NUDT3: variants seen among roughly 807,000 people sequenced by gnomAD.
NUDT3 encodes diphosphoinositol polyphosphate phosphohydrolase 1.
A neutral mutation model predicts 23.6 loss-of-function variants in NUDT3; 9 were observed. That is an observed-to-expected ratio of 0.38 (90% CI 0.23 to 0.66). NUDT3 has a LOEUF of 0.66. Among genes scored for constraint, NUDT3 ranks in the 30% least tolerant of loss-of-function variants. NUDT3 has a pLI of 0.52. For synonymous variants in NUDT3, 86 were observed against 82.6 expected (o/e 1.04, Z -0.22); for missense variants, 172 against 218.5 (o/e 0.79, Z 1.34).
chr6:34,305,588 G>A (rs921365048), intron 2 of NUDT3, among the ~76,000 whole-genome samples: 4 of 151,578 alleles, frequency 2.6e-5, no homozygotes, highest in Non-Finnish European at 5.9e-5. Flanking sequence ...ACTTCCTTTG[G>A]GCTTGCTCTT....
At chr6:34,354,654 C>T (rs1214800066) in intron 1 of NUDT3, among the ~76,000 whole-genome samples, 1 of 148,734 alleles carries the variant, frequency 6.7e-6, no homozygotes, top group Non-Finnish European at 1.5e-5. Flanking sequence ...ACCCGGGAGG[C>T]GGAGGTTGCA....
intron 2 of NUDT3, among the ~76,000 whole-genome samples, chr6:34,317,880 C>G (rs763751445): frequency 1.3e-4 from 20 of 152,128 alleles, no homozygotes; most frequent in Non-Finnish European, 2.9e-4. Flanking sequence ...AAGATTAACC[C>G]AGTCCTCTGG....
At position 34,340,874 on chromosome 6, in the gene NUDT3, G is replaced by A. The variant is rs557243408; in HGVS notation, c.210+988C>T. On this transcript the variant is annotated intron_variant, in intron 2 of 4. Transcript: ENST00000607016. ...AGATGCTACAATGAGAGTGACATAA[G>A]CCAATGTAAGTGTAGGAATTCAGAG... Among the ~76,000 whole-genome samples the A allele has an allele frequency of 5.3e-5, 8 of 152,310 alleles. No homozygotes were observed. The South Asian group carries it at 8.3e-4, about 16-fold the overall frequency.
At chr6:34,338,420 T>C (rs2113732336) in intron 2 of NUDT3, among the ~76,000 whole-genome samples, 1 of 152,356 alleles carries the variant, frequency 6.6e-6, no homozygotes, top group Middle Eastern at 3.4e-3. Context: ...GTACAAACTG[T>C]TCCCTCAAAG....
intron 2 of NUDT3, among the ~76,000 whole-genome samples, chr6:34,328,744 G>C (rs1367471311): frequency 6.6e-6 from 1 of 152,122 alleles, no homozygotes; most frequent in East Asian, 1.9e-4. Context: ...GGAGACCCCT[G>C]ACCATATTAA....
At chr6:34,340,219 A>T (rs1223687655) in intron 2 of NUDT3, among the ~76,000 whole-genome samples, 1 of 152,222 alleles carries the variant, frequency 6.6e-6, no homozygotes, top group Admixed American at 6.5e-5. Context: ...GAAGGGAAGC[A>T]CTTGGGCTCT....
chr6:34,376,529 C>T (rs1292842090), intron 1 of NUDT3, among the ~76,000 whole-genome samples: 2 of 152,066 alleles, frequency 1.3e-5, no homozygotes, highest in African/African-American at 2.4e-5. Context: ...CTCCTGCTTC[C>T]GCCTCCCAAA....
rs116676434 is a variant in NUDT3 at position 34,342,371 on chromosome 6, G to A, written c.100-399C>T. On this transcript the variant is annotated intron_variant, in intron 1 of 4. Transcript: ENST00000607016. The stretch of plus-strand genomic sequence containing the variant: ...GAAAAAGCTGGCCAGAAGACAAAAG[G>A]CCCTTGGCCATGATTGCCATCATGG... Among the ~76,000 whole-genome samples, 401 of 150,594 alleles carry A rather than the reference G, an allele frequency of 2.7e-3. 2 individuals carry two copies. The highest frequency in any genetic ancestry group is 8.9e-3 in the African/African-American group (364 of 40,990).
chr6:34,297,701 A>C (rs12523738), intron 2 of NUDT3, among the ~76,000 whole-genome samples: 1 of 136,096 alleles, frequency 7.3e-6, no homozygotes, highest in Admixed American at 7.6e-5. Flanking sequence ...GGTGCACATC[A>C]CTACACCCGG....
At chr6:34,372,436 C>G (rs1764846632) in intron 1 of NUDT3, among the ~76,000 whole-genome samples, 1 of 152,108 alleles carries the variant, frequency 6.6e-6, no homozygotes, top group South Asian at 2.1e-4. Flanking sequence ...GATTGCTATT[C>G]TAACTGGTGT....
At chr6:34,334,306 T>C (rs966986944) in intron 2 of NUDT3, among the ~76,000 whole-genome samples, 1 of 152,172 alleles carries the variant, frequency 6.6e-6, no homozygotes, top group Non-Finnish European at 1.5e-5. Context: ...TATTAAGCAC[T>C]TGAGATATGT....
chr6:34,317,564 C>G (rs114940475), intron 2 of NUDT3, among the ~76,000 whole-genome samples: 149 of 152,246 alleles, frequency 9.8e-4, no homozygotes, highest in African/African-American at 3.1e-3. Flanking sequence ...CTCCCACCCC[C>G]CCAACAGTAT....
chr6:34,366,473 AAGGGAGGGAGGGAGGGAGGGAGGGAGGG>A (rs529092584), intron 1 of NUDT3, among the ~76,000 whole-genome samples: 3 of 29,812 alleles, frequency 1.0e-4, no homozygotes, highest in African/African-American at 1.5e-4. Context: ...AGAGAGAGGG[AAGGGAGGGAGGGAGGGAGGGAGGGAGGG>A]AGGGAGGGAG....
At chr6:34,389,276 A>C (rs546984774) in intron 1 of NUDT3, among the ~76,000 whole-genome samples, 4 of 152,196 alleles carry the variant, frequency 2.6e-5, no homozygotes, top group Non-Finnish European at 1.5e-5. Context: ...CAATGGTTTT[A>C]CAAGTGTTTG....
intron 1 of NUDT3, among the ~76,000 whole-genome samples, chr6:34,345,606 T>C (rs1027013593): frequency 3.6e-5 from 5 of 138,394 alleles, no homozygotes; most frequent in African/African-American, 1.4e-4. Context: ...GAGCTGGCAG[T>C]GAACCGAGAT....
At chr6:34,295,275 C>A (rs765253525) in intron 3 of NUDT3, among the ~76,000 whole-genome samples, 3 of 151,868 alleles carry the variant, frequency 2.0e-5, no homozygotes, top group Admixed American at 1.3e-4. Flanking sequence ...GTAATCCTGG[C>A]ATTTTGGGAG....
At chr6:34,333,803 T>C (rs528911285) in intron 2 of NUDT3, among the ~76,000 whole-genome samples, 4 of 152,340 alleles carry the variant, frequency 2.6e-5, no homozygotes, top group South Asian at 4.1e-4. Context: ...ATTTTCAAAA[T>C]AGCCAGAAGC....
In NUDT3 at chr6:34,293,549, A is replaced by G. The variant is rs757166142; in HGVS notation, c.256-14T>C. ...CCTCTCCTGGTTCTGAAGGGCAAAG[A>G]GAGAAGGATAGAGAGAGTTTTTCCT... On this transcript the variant is annotated splice_polypyrimidine_tract_variant and intron_variant, in intron 3 of 4. Transcript: ENST00000607016. The G allele has an allele frequency of 6.2e-7, 1 of 1,614,094 alleles. No homozygotes were observed. Among genetic ancestry groups the G allele is most frequent in the Non-Finnish European group, 8.5e-7 (1 of 1,179,972 alleles).
chr6:34,369,071 G>A (rs909098778), intron 1 of NUDT3, among the ~76,000 whole-genome samples: 2 of 152,098 alleles, frequency 1.3e-5, no homozygotes, highest in African/African-American at 4.8e-5. Flanking sequence ...TTGGGTACCT[G>A]TAATAGACCA....
Sources: gnomAD v4.1 joint callset for allele counts (sites outside exome capture counted in the v4.1 genomes callset) on GRCh38, gnomAD v4.1.1 for gene constraint, MANE v1.5 for transcripts, NCBI Gene and HGNC (gene_info 2026-07-23, HGNC 2026-07-21) for gene names.